Variants in ALG6 observed in about 807,000 individuals in gnomAD.
ALG6 encodes dolichyl pyrophosphate Man9GlcNAc2 alpha-1,3-glucosyltransferase.
A neutral mutation model predicts 66.6 loss-of-function variants in ALG6; 46 were observed. The observed-to-expected ratio is 0.69, with a 90% CI of 0.55 to 0.88. The LOEUF (loss-of-function observed/expected upper bound fraction) is 0.88, where lower values mean the gene tolerates loss of function less well. Among genes scored for constraint, ALG6 ranks in the 40% least tolerant of loss-of-function variants. The pLI is 0.00. For synonymous variants in ALG6, 185 were observed against 203.7 expected, an observed-to-expected ratio of 0.91 and a Z score of 0.78; for missense variants, 505 against 586.8, an observed-to-expected ratio of 0.86 and a Z score of 1.44.
rs1036882713 is a variant in ALG6, at chr1:63,433,042, A to G, written c.1327-3781A>G. 6.6e-6 allele frequency among the ~76,000 whole-genome samples: 1 copy of G among 152,210 alleles called. No individual in the cohort carries two copies. Among genetic ancestry groups the G allele is most frequent in the Non-Finnish European group, 1.5e-5 (1 of 68,022 alleles). ...ACTGCAACCTCAACCTCCTGGGTTT[A>G]TGCAATTCTTCTGCCTCAGCCTCCT... On this transcript the variant is annotated intron_variant, in intron 14 of 14. Coordinates refer to ENST00000263440, the MANE Select transcript of ALG6 (RefSeq NM_013339.4). The surrounding 1 kb of genome is among the most constrained non-coding windows in gnomAD (Gnocchi z 4.2).
At chr1:63,422,337 GAATATAAATATATATCTATATA>G (rs1384727866) in intron 12 of ALG6, among the ~76,000 whole-genome samples, 2 of 65,162 alleles carry the variant, frequency 3.1e-5, no homozygotes, top group Non-Finnish European at 5.9e-5. Flanking sequence ...ATATCTATAG[GAATATAAATATATATCTATATA>G]AATATAAATA....
chr1:63,377,119 A>G (rs1244389754), intron 2 of ALG6, among the ~76,000 whole-genome samples: 3 of 152,004 alleles, frequency 2.0e-5, no homozygotes, highest in African/African-American at 7.2e-5. Flanking sequence ...GCGCTGCCAC[A>G]CCCAGCTAAT....
intron 2 of ALG6, among the ~76,000 whole-genome samples, chr1:63,388,443 AC>A (rs1648572226): frequency 1.3e-5 from 2 of 152,196 alleles, no homozygotes; most frequent in Admixed American, 1.3e-4. Flanking sequence ...GATTGTAAAA[AC>A]TAACAAATAA....
At position 63,371,411 on chromosome 1, in the gene ALG6, G is replaced by A. The variant is rs189285438; in HGVS notation, c.82+352G>A. 435 of 273,554 alleles carry A rather than the reference G, an allele frequency of 1.6e-3. 3 individuals carry two copies. Among genetic ancestry groups the A allele is most frequent in the Admixed American group, 3.4e-3 (67 of 19,826 alleles). 16.9% of individuals were successfully genotyped at this position (273,554 alleles called of 1,614,324 possible). A position where few individuals can be genotyped will look rare whatever the true frequency, so the allele number is the denominator to read the frequency against. The stretch of plus-strand genomic sequence containing the variant: ...GCATATTACTGGATTAAAGGGAAGC[G>A]ATCAGTGAACAAGAATAAAATTGGG... On this transcript the variant is annotated intron_variant, in intron 2 of 14. Transcript: ENST00000263440.
chr1:63,395,908 G>A (rs1417861850), intron 2 of ALG6, among the ~76,000 whole-genome samples: 1 of 152,160 alleles, frequency 6.6e-6, no homozygotes, highest in East Asian at 1.9e-4. Flanking sequence ...GATTGTGCCT[G>A]TACTGAACAT....
intron 6 of ALG6, 80 bp from the exon 7 acceptor site, chr1:63,406,982 G>C: frequency 9.6e-7 from 1 of 1,039,234 alleles, no homozygotes; most frequent in Non-Finnish European, 1.5e-6. Context: ...TTGCTAATGT[G>C]TTAGATAAAA....
chr1:63,422,799 T>TA (rs1170731825), intron 12 of ALG6, among the ~76,000 whole-genome samples: 4 of 151,588 alleles, frequency 2.6e-5, no homozygotes, highest in African/African-American at 9.7e-5. Context: ...CTACTAAAAT[T>TA]ACAAAATTAG....
intron 3 of ALG6, among the ~76,000 whole-genome samples, chr1:63,398,521 G>A (rs1644423883): frequency 6.6e-6 from 1 of 152,144 alleles, no homozygotes; most frequent in Admixed American, 6.5e-5. Flanking sequence ...TGTCCAGGCT[G>A]GAGTGCAGTG....
At chr1:63,377,097 G>A (rs996936494) in intron 2 of ALG6, among the ~76,000 whole-genome samples, 2 of 152,066 alleles carry the variant, frequency 1.3e-5, no homozygotes, top group Admixed American at 6.6e-5. Context: ...TAGTGGCTGG[G>A]ATTACAGGCG....
intron 14 of ALG6, among the ~76,000 whole-genome samples, chr1:63,436,572 T>A (rs1182784383): frequency 1.3e-5 from 2 of 152,108 alleles, no homozygotes; most frequent in Admixed American, 6.6e-5. Context: ...TGGCTACACA[T>A]GGGAATCACT....
rs540233211 is a variant in ALG6, at chr1:63,384,081, C to T, written c.83-12432C>T. On this transcript the variant is annotated intron_variant, in intron 2 of 14. Coordinates refer to ENST00000263440, the MANE Select transcript of ALG6 (RefSeq NM_013339.4). ...TGCTGATGGACACTTAGGTTGCTTG[C>T]GAATCTTGGCTATTGTGAACGGTGC... Among the ~76,000 whole-genome samples the T allele has an allele frequency of 2.0e-5, 3 of 152,246 alleles. No individual in the cohort carries two copies. In the East Asian group the frequency reaches 5.8e-4, roughly 29 times the overall value.
Position 63,387,541 on chromosome 1 carries a change from T to A in ALG6, c.83-8972T>A, listed in dbSNP as rs1353631287. 5.1e-4 allele frequency among the ~76,000 whole-genome samples: 57 copies of A among 112,746 alleles called. 1 individual carries two copies. Among genetic ancestry groups the A allele is most frequent in the African/African-American group, 1.9e-3 (55 of 28,616 alleles). 74.0% of individuals were successfully genotyped at this position (112,746 alleles called of 152,430 possible). On this transcript the variant is annotated intron_variant, in intron 2 of 14. Transcript: ENST00000263440. ...CCTTCTTTGTCTTTCTCTTTTTTTTTTTTTTTTTTTTTTTTTTTGAGACAG... is the reference window on the plus strand; with the variant it reads ...CCTTCTTTGTCTTTCTCTTTTTTTTATTTTTTTTTTTTTTTTTTGAGACAG...
chr1:63,432,731 A>G (rs1165333546), intron 14 of ALG6, among the ~76,000 whole-genome samples: 2 of 152,172 alleles, frequency 1.3e-5, no homozygotes, highest in Non-Finnish European at 2.9e-5. Flanking sequence ...ATAAGTATAT[A>G]AGCTCCACGG....
At chr1:63,422,943 A>C (rs1227698613) in intron 12 of ALG6, among the ~76,000 whole-genome samples, 2 of 152,144 alleles carry the variant, frequency 1.3e-5, no homozygotes. Flanking sequence ...CAACGAGAGC[A>C]AAACTCCGTC....
chr1:63,380,338 G>A (rs149820927), intron 2 of ALG6, among the ~76,000 whole-genome samples: 43 of 152,306 alleles, frequency 2.8e-4, no homozygotes, highest in African/African-American at 1.0e-3. Flanking sequence ...CTTTCAGGAC[G>A]TTTGTTCGTG....
At chr1:63,394,140 A>C (rs1648749473) in intron 2 of ALG6, among the ~76,000 whole-genome samples, 1 of 152,240 alleles carries the variant, frequency 6.6e-6, no homozygotes. Context: ...AAACTGGAGA[A>C]AATCTGGATT....
At chr1:63,396,658 A>C (rs1462284711) in intron 3 of ALG6, 61 bp downstream of exon 3, 1 of 1,418,744 alleles carries the variant, frequency 7.0e-7, no homozygotes, top group East Asian at 2.3e-5. Context: ...GTTTGAAAAT[A>C]TTAAAGGGAC....
chr1:63,415,203 A>G (rs1220811502), intron 10 of ALG6, among the ~76,000 whole-genome samples: 2 of 152,160 alleles, frequency 1.3e-5, no homozygotes, highest in African/African-American at 4.8e-5. Flanking sequence ...GTCAAAATCT[A>G]CAACTGGGAA....
chr1:63,372,957 C>G (rs1478071280), intron 2 of ALG6, among the ~76,000 whole-genome samples: 4 of 151,820 alleles, frequency 2.6e-5, no homozygotes, highest in African/African-American at 9.7e-5. Flanking sequence ...CGTGCCTGGC[C>G]TGTAGCTCTT....
Sources: allele counts gnomAD v4.1 joint callset (sites outside exome capture counted in the v4.1 genomes callset), GRCh38; gene constraint gnomAD v4.1.1; non-coding constraint Gnocchi (gnomAD v3.1); transcripts MANE v1.5; gene names NCBI Gene and HGNC (gene_info 2026-07-23, HGNC 2026-07-21).